FMNL2: variants seen among roughly 807,000 people sequenced by gnomAD.
FMNL2 encodes formin like 2.
A neutral mutation model predicts 130.2 loss-of-function variants in FMNL2; 51 were observed. That is an observed-to-expected ratio of 0.39 (90% CI 0.31 to 0.49). The LOEUF (loss-of-function observed/expected upper bound fraction) is 0.49, where lower values mean the gene tolerates loss of function less well. Ranked by LOEUF, FMNL2 falls within the 20% of genes least tolerant of loss-of-function variation. The probability of loss-of-function intolerance (pLI) is 0.85; values close to 1 mark genes in which losing one functional copy is unlikely to be tolerated. For synonymous variants in FMNL2, 465 were observed against 467.1 expected (o/e 1.00, Z 0.06); for missense variants, 977 against 1,316.2 (o/e 0.74, Z 3.99).
chr2:152,545,017 G>A (rs1163257645), intron 3 of FMNL2, among the ~76,000 whole-genome samples: 6 of 152,156 alleles, frequency 3.9e-5, no homozygotes, highest in African/African-American at 1.4e-4. Flanking sequence ...GCCCATGTGC[G>A]TTCACCTGAA....
intron 1 of FMNL2, among the ~76,000 whole-genome samples, chr2:152,362,316 T>C (rs1683225125): frequency 6.6e-6 from 1 of 152,214 alleles, no homozygotes; most frequent in South Asian, 2.1e-4. Flanking sequence ...TAAAGAGTGG[T>C]GAAAAATAAC....
chr2:152,573,390 A>G lies in FMNL2; in HGVS notation c.597-1746A>G, dbSNP rs545552059. Among the ~76,000 whole-genome samples, 195 of 152,342 alleles carry G rather than the reference A, an allele frequency of 1.3e-3. 1 individual carries two copies. Among genetic ancestry groups the G allele is most frequent in the African/African-American group, 4.6e-3 (191 of 41,580 alleles). On this transcript the variant is annotated intron_variant, in intron 6 of 25. Coordinates refer to ENST00000288670, the MANE Select transcript of FMNL2 (RefSeq NM_052905.4). ...TAGGCGGTAGCTTTTTCACATGATC[A>G]CCCAGCAGATTGTTGATGAGTCAGG...
At chr2:152,372,224 C>T (rs12986786) in intron 1 of FMNL2, among the ~76,000 whole-genome samples, 8,803 of 152,114 alleles carry the variant, frequency 0.058, 539 homozygotes, top group Admixed American at 0.2. Context: ...AGCCTGTTAC[C>T]TTTGTTGAGC....
intron 1 of FMNL2, among the ~76,000 whole-genome samples, chr2:152,352,251 A>C (rs1682535934): frequency 6.6e-6 from 1 of 152,240 alleles, no homozygotes; most frequent in African/African-American, 2.4e-5. Context: ...GTAATAATAC[A>C]ATATAGGTCA....
At chr2:152,416,496 A>C (rs1195716209) in intron 1 of FMNL2, among the ~76,000 whole-genome samples, 1 of 152,256 alleles carries the variant, frequency 6.6e-6, no homozygotes, top group East Asian at 1.9e-4. Flanking sequence ...AGGGCTGCTT[A>C]GATGGTTGGC....
intron 9 of FMNL2, among the ~76,000 whole-genome samples, chr2:152,590,528 C>T (rs1204077750): frequency 6.6e-6 from 1 of 151,828 alleles, no homozygotes; most frequent in African/African-American, 2.4e-5. Context: ...GCAGGAGAAT[C>T]GCTTGAACCT....
intron 1 of FMNL2, among the ~76,000 whole-genome samples, chr2:152,376,093 C>A (rs899629700): frequency 6.6e-6 from 1 of 151,828 alleles, no homozygotes; most frequent in Non-Finnish European, 1.5e-5. Flanking sequence ...GGGGTTTCAC[C>A]ATGTTGGCCA....
intron 1 of FMNL2, among the ~76,000 whole-genome samples, chr2:152,385,060 T>C (rs1330866343): frequency 1.3e-5 from 2 of 152,206 alleles, no homozygotes; most frequent in Non-Finnish European, 2.9e-5. Flanking sequence ...ACTTTAGTAA[T>C]GAGAATTTTA....
intron 1 of FMNL2, among the ~76,000 whole-genome samples, chr2:152,375,340 G>A (rs554079010): frequency 7.9e-5 from 12 of 152,326 alleles, no homozygotes; most frequent in African/African-American, 2.4e-4. Context: ...AAGGCATGGC[G>A]GAGGCCTGGA....
At chr2:152,447,233 C>T (rs976209086) in intron 1 of FMNL2, among the ~76,000 whole-genome samples, 3 of 151,646 alleles carry the variant, frequency 2.0e-5, no homozygotes, top group Non-Finnish European at 2.9e-5. Flanking sequence ...CTCCAGTAGT[C>T]GGGATTATAG....
At chr2:152,562,160 G>A (rs1185945408) in intron 6 of FMNL2, among the ~76,000 whole-genome samples, 2 of 152,078 alleles carry the variant, frequency 1.3e-5, no homozygotes, top group Non-Finnish European at 2.9e-5. Flanking sequence ...AGTTTGTAAC[G>A]GTTTCTGTGG....
chr2:152,551,009 C>A (rs1333585434), intron 4 of FMNL2, among the ~76,000 whole-genome samples: 1 of 151,782 alleles, frequency 6.6e-6, no homozygotes, highest in South Asian at 2.1e-4. Context: ...CATGGTGGTG[C>A]GTGCTTGTAG....
At chr2:152,346,989 G>T (rs964818152) in intron 1 of FMNL2, among the ~76,000 whole-genome samples, 1 of 152,064 alleles carries the variant, frequency 6.6e-6, no homozygotes, top group Non-Finnish European at 1.5e-5. Context: ...TACTTGGGAG[G>T]CTGAGGCAGG....
chr2:152,396,427 A>AT (rs889678229), intron 1 of FMNL2, among the ~76,000 whole-genome samples: 1 of 152,190 alleles, frequency 6.6e-6, no homozygotes, highest in African/African-American at 2.4e-5. Context: ...CCAGTTATTT[A>AT]TTTCAGTGTT....
chr2:152,392,862 G>A (rs547221394), intron 1 of FMNL2, among the ~76,000 whole-genome samples: 4 of 152,248 alleles, frequency 2.6e-5, no homozygotes, highest in South Asian at 2.1e-4. Flanking sequence ...GATTGGCCAA[G>A]GGGGAACTTA....
intron 1 of FMNL2, among the ~76,000 whole-genome samples, chr2:152,473,055 G>A (rs1558892219): frequency 6.6e-6 from 1 of 152,132 alleles, no homozygotes; most frequent in Non-Finnish European, 1.5e-5. Flanking sequence ...TCAAGCTGTG[G>A]GCCAAGATTG....
At chr2:152,533,641 G>GA (rs902767220) in intron 2 of FMNL2, among the ~76,000 whole-genome samples, 23 of 140,718 alleles carry the variant, frequency 1.6e-4, no homozygotes, top group South Asian at 1.1e-3. Flanking sequence ...CAGTTTCTAA[G>GA]AAAAAAAAAC....
chr2:152,621,782 A>ACT (rs955720860), intron 15 of FMNL2, among the ~76,000 whole-genome samples: 1 of 151,990 alleles, frequency 6.6e-6, no homozygotes, highest in African/African-American at 2.4e-5. Context: ...GTGTTGAGTA[A>ACT]CTCTCTCTCT....
chr2:152,365,797 A>G (rs193270908), intron 1 of FMNL2, among the ~76,000 whole-genome samples: 30 of 152,290 alleles, frequency 2.0e-4, no homozygotes, highest in Non-Finnish European at 4.4e-5. Flanking sequence ...GTCTCCTGCC[A>G]TAATCAGACA....
Sources: gnomAD v4.1 joint callset for allele counts (sites outside exome capture counted in the v4.1 genomes callset) on GRCh38, gnomAD v4.1.1 for gene constraint, MANE v1.5 for transcripts, NCBI Gene and HGNC (gene_info 2026-07-23, HGNC 2026-07-21) for gene names.